Variants in RAB14 observed in about 807,000 individuals in gnomAD.
The protein encoded by RAB14 is ras-related protein Rab-14.
In RAB14, 3 loss-of-function variants were observed where a neutral mutation model predicts 31.1. The ratio of observed to expected loss-of-function variants is 0.10; its 90% CI spans 0.04 to 0.25. The LOEUF (loss-of-function observed/expected upper bound fraction) is 0.25, where lower values mean the gene tolerates loss of function less well. Ranked by LOEUF, RAB14 falls within the 10% of genes least tolerant of loss-of-function variation. The pLI, the probability that RAB14 is intolerant of heterozygous loss-of-function variation, is 1.00. For missense variants in RAB14, 111 were observed against 260.1 expected, an observed-to-expected ratio of 0.43 and a Z score of 3.94; for synonymous variants, 85 against 84.9, an observed-to-expected ratio of 1.00 and a Z score of 0.00.
chr9:121,181,744 C>CTTTTTTTTTT (rs3838268), intron 7 of RAB14, among the ~76,000 whole-genome samples, 171 bp from the exon 8 acceptor site: 7 of 102,900 alleles, frequency 6.8e-5, no homozygotes, highest in South Asian at 4.1e-4. Context: ...AACTATTTTC[C>CTTTTTTTTTT]TTTTTTTTTT....
chr9:121,192,087 G>A (rs2053689954), intron 3 of RAB14, 84 bp downstream of exon 3: 5 of 1,043,156 alleles, frequency 4.8e-6, no homozygotes. Flanking sequence ...AATGCATGAA[G>A]TATACTGAAA....
intron 1 of RAB14, among the ~76,000 whole-genome samples, chr9:121,193,865 T>C (rs1238541526): frequency 6.6e-6 from 1 of 152,164 alleles, no homozygotes; most frequent in Admixed American, 6.5e-5. Flanking sequence ...AACTCTGATA[T>C]TAAACAGAAT....
intron 1 of RAB14, among the ~76,000 whole-genome samples, chr9:121,200,381 G>A (rs763276349): frequency 7.2e-5 from 11 of 152,172 alleles, no homozygotes; most frequent in Non-Finnish European, 1.5e-5. Context: ...TTTTTTAAAG[G>A]CAGTTGGGAT....
intron 1 of RAB14, among the ~76,000 whole-genome samples, chr9:121,199,057 T>C (rs1222022252): frequency 1.3e-5 from 2 of 152,186 alleles, no homozygotes; most frequent in Admixed American, 6.5e-5. Context: ...GTCTTCTATA[T>C]ACAGGAAATA....
At chr9:121,193,267 C>A in intron 2 of RAB14, 94 bp downstream of exon 2, 1 of 775,966 alleles carries the variant, frequency 1.3e-6, no homozygotes. Flanking sequence ...GAAAATCACT[C>A]AGTCCTGAAG....
At position 121,178,134 on chromosome 9, in the gene RAB14, C is replaced by T. The variant is rs2053606906; in HGVS notation, c.*3262G>A. ...ATACAGAGCAGCACAGTGCAGTCAT[C>T]CCTCACCACCAAGGTTTTTATTCCA... is the stretch of plus-strand genomic sequence containing the variant. On this transcript the variant is annotated 3_prime_UTR_variant, in exon 8 of 8. Transcript: ENST00000373840. The T allele has an allele frequency of 6.6e-6, 1 of 152,226 alleles. No individual in the cohort carries two copies. The highest frequency in any genetic ancestry group is 2.4e-5 in the African/African-American group (1 of 41,450). The allele number at this position is 152,226 out of a possible 1,614,324, so 9.4% of individuals were successfully genotyped here. A position where few individuals can be genotyped will look rare whatever the true frequency, so the allele number is the denominator to read the frequency against.
rs1339991936 is a variant in RAB14 at position 121,178,350 on chromosome 9, T to C, written c.*3046A>G. 1 of 152,488 alleles carries C rather than the reference T, an allele frequency of 6.6e-6. No homozygotes were observed. Among genetic ancestry groups the C allele is most frequent in the Non-Finnish European group, 1.5e-5 (1 of 68,036 alleles). The allele number at this position is 152,488 out of a possible 1,614,324, so 9.4% of individuals were successfully genotyped here. ...CAAAATGCTAAAAGGCCTGGCCTAG[T>C]CACAATTACTGACATCCTTCTGGGA... On this transcript the variant is annotated 3_prime_UTR_variant, in exon 8 of 8. Transcript: ENST00000373840.
intron 1 of RAB14, among the ~76,000 whole-genome samples, chr9:121,199,948 A>G (rs964154307): frequency 1.3e-5 from 2 of 152,212 alleles, no homozygotes; most frequent in African/African-American, 4.8e-5. Context: ...AACACCCACT[A>G]TGTGCCTGGC....
rs190444005 is a variant in RAB14 at position 121,183,024 on chromosome 9, G to A, written c.440-64C>T. 4.0e-3 allele frequency: 5,884 copies of A among 1,468,158 alleles called. 17 individuals carry two copies. The highest frequency in any genetic ancestry group is 5.2e-3 in the Admixed American group (267 of 51,226). 90.9% of individuals were successfully genotyped at this position (1,468,158 alleles called of 1,614,324 possible). ...ACTAACTCACAAGTGCACTTCTTTA[G>A]TAACATCTGAAAAAGTTTCCCATCA... On this transcript the variant is annotated intron_variant, in intron 6 of 7. Coordinates refer to ENST00000373840, the MANE Select transcript of RAB14 (RefSeq NM_016322.4).
intron 5 of RAB14, among the ~76,000 whole-genome samples, chr9:121,186,439 C>T (rs2053659562): frequency 6.6e-6 from 1 of 152,146 alleles, no homozygotes; most frequent in African/African-American, 2.4e-5. Flanking sequence ...TTTAAAATCT[C>T]AATAAATATC....
At chr9:121,184,608 A>C (rs2053650002) in intron 5 of RAB14, among the ~76,000 whole-genome samples, 2 of 152,178 alleles carry the variant, frequency 1.3e-5, no homozygotes, top group South Asian at 4.1e-4. Flanking sequence ...TTCATGTAAA[A>C]TTACAGCTCC....
At chr9:121,201,405 G>C (rs1239851732) in intron 1 of RAB14, among the ~76,000 whole-genome samples, 2 of 152,070 alleles carry the variant, frequency 1.3e-5, no homozygotes, top group Non-Finnish European at 2.9e-5. Context: ...GGGGAGGGCA[G>C]GAGGCTCAGG....
At position 121,185,101 on chromosome 9, in the gene RAB14, G is replaced by T. The variant is rs117735260; in HGVS notation, c.352-1703C>A. On this transcript the variant is annotated intron_variant, in intron 5 of 7. Transcript: ENST00000373840. ...AATGGAGCACTTAAGAAAAACTCAA[G>T]AAATTTTTTTTCTCCTGATCTGGTT... Among the ~76,000 whole-genome samples the T allele has an allele frequency of 4.9e-4, 75 of 152,230 alleles. No individual in the cohort carries two copies. The East Asian group carries it at 0.013, about 26-fold the overall frequency.
At chr9:121,187,589 T>C (rs76270199) in intron 4 of RAB14, among the ~76,000 whole-genome samples, 1 of 152,120 alleles carries the variant, frequency 6.6e-6, no homozygotes, top group Non-Finnish European at 1.5e-5. Context: ...AGAATTCAAG[T>C]CCCCAGATAT....
At chr9:121,200,418 C>T (rs751961785) in intron 1 of RAB14, among the ~76,000 whole-genome samples, 4 of 152,172 alleles carry the variant, frequency 2.6e-5, no homozygotes, top group Non-Finnish European at 4.4e-5. Context: ...GTAAACTTTG[C>T]AAGAGTTCAA....
chr9:121,191,112 C>T (rs2053683862), intron 3 of RAB14, among the ~76,000 whole-genome samples: 1 of 152,096 alleles, frequency 6.6e-6, no homozygotes, highest in African/African-American at 2.4e-5. Context: ...ACTGGATTTG[C>T]CCCACTGGCC....
intron 4 of RAB14, among the ~76,000 whole-genome samples, chr9:121,189,938 T>A (rs1359252218): frequency 6.6e-6 from 1 of 152,254 alleles, no homozygotes. Context: ...TTCTCCAAAG[T>A]CAAACCTTTA....
At chr9:121,197,401 G>A (rs557055811) in intron 1 of RAB14, among the ~76,000 whole-genome samples, 1 of 152,168 alleles carries the variant, frequency 6.6e-6, no homozygotes, top group South Asian at 2.1e-4. Context: ...CCACTGTTAA[G>A]GTGAAAAATG....
chr9:121,180,614 T>G lies in RAB14; in HGVS notation c.*782A>C, dbSNP rs1220131335. 3 of 152,640 alleles carry G rather than the reference T, an allele frequency of 2.0e-5. No homozygotes were observed. Among genetic ancestry groups the G allele is most frequent in the African/African-American group, 7.2e-5 (3 of 41,460 alleles). The allele number at this position is 152,640 out of a possible 1,614,324, so 9.5% of individuals were successfully genotyped here. ...TTGTGTGAAATGGAAGGGAGTAACA[T>G]GGTCACATATAGGTCATACTGTACA... On this transcript the variant is annotated 3_prime_UTR_variant, in exon 8 of 8. Coordinates refer to ENST00000373840, the MANE Select transcript of RAB14 (RefSeq NM_016322.4).
Sources: allele counts gnomAD v4.1 joint callset (sites outside exome capture counted in the v4.1 genomes callset), GRCh38; gene constraint gnomAD v4.1.1; transcripts MANE v1.5; gene names NCBI Gene and HGNC (gene_info 2026-07-23, HGNC 2026-07-21).